The following PHF3 variants were observed in gnomAD, a reference collection of about 807,000 sequenced individuals.
PHF3 encodes the protein PHD finger protein 3.
Under a neutral mutation model 178.4 loss-of-function variants are expected in PHF3, and 41 were observed. The observed-to-expected ratio is 0.23, with a 90% CI of 0.18 to 0.30. PHF3 has a LOEUF of 0.30. Among genes scored for constraint, PHF3 ranks in the 10% least tolerant of loss-of-function variants. PHF3 has a pLI of 1.00. For missense variants in PHF3, 2,346 were observed against 2,398.1 expected (o/e 0.98, Z 0.45); for synonymous variants, 842 against 800.5 (o/e 1.05, Z -0.88).
chr6:63,665,677 C>T (rs1406071290), intron 2 of PHF3, among the ~76,000 whole-genome samples: 1 of 151,630 alleles, frequency 6.6e-6, no homozygotes, highest in South Asian at 2.1e-4. Context: ...TTAGTAGAGA[C>T]GGGGCTTCAT....
rs1561983374 is a variant in PHF3, at chr6:63,709,251, CTT to C, written c.3801+16_3801+17del. ...GCATCAGGAACCAAGGTGAGGAAAA[CTT>C]TTTTCACTATACCAGCATGGGAAAA... On this transcript the variant is annotated intron_variant, in intron 14 of 15. Transcript: ENST00000262043. The C allele has an allele frequency of 6.6e-7, 1 of 1,517,340 alleles. No individual in the cohort carries two copies. Among genetic ancestry groups the C allele is most frequent in the Non-Finnish European group, 9.1e-7 (1 of 1,094,674 alleles). 94.0% of individuals were successfully genotyped at this position (1,517,340 alleles called of 1,614,324 possible).
chr6:63,699,452 A>C (rs1231900636), intron 8 of PHF3, among the ~76,000 whole-genome samples: 1 of 152,176 alleles, frequency 6.6e-6, no homozygotes, highest in Admixed American at 6.5e-5. Context: ...AGGTGATTTG[A>C]GGTATTTTCT....
chr6:63,676,234 A>G (rs1415188866), intron 2 of PHF3, among the ~76,000 whole-genome samples: 2 of 152,174 alleles, frequency 1.3e-5, no homozygotes, highest in East Asian at 3.8e-4. Flanking sequence ...TACTATACAC[A>G]AGGTTGTTAT....
chr6:63,708,115 C>CCTCT (rs1299293342), intron 13 of PHF3, among the ~76,000 whole-genome samples: 2 of 152,078 alleles, frequency 1.3e-5, no homozygotes, highest in Non-Finnish European at 2.9e-5. Flanking sequence ...GATCTGCTTG[C>CCTCT]CTCTGCCTCC....
chr6:63,712,332 C>A lies in PHF3; in HGVS notation c.4744C>A (p.Gln1582Lys), dbSNP rs1767981083. 1.9e-6 allele frequency: 3 copies of A among 1,612,822 alleles called. No individual in the cohort carries two copies. The highest frequency in any genetic ancestry group is 2.5e-6 in the Non-Finnish European group (3 of 1,179,728). ...AACAAATTTATCAATTCAGTCAAAA[C>A]AAGAGGAAACTGTGGAGAGTAAAGA... is the stretch of plus-strand genomic sequence containing the variant. ...FLTNLSIQSK[Q>K]EETVESKEKT... The change falls in exon 16 of 16, where the codon CAA (glutamine) becomes AAA (lysine). Residue 1582 changes from glutamine to lysine, a missense_variant. This residue lies in a region of PHF3 where 839 missense variants were observed against 806.9 expected (regional missense o/e 1.04). Coordinates refer to ENST00000262043, the MANE Select transcript of PHF3 (RefSeq NM_001370348.2).
At chr6:63,699,779 C>G (rs1582103019) in intron 8 of PHF3, among the ~76,000 whole-genome samples, 1 of 151,936 alleles carries the variant, frequency 6.6e-6, no homozygotes, top group Non-Finnish European at 1.5e-5. Flanking sequence ...TTAGTAGAGA[C>G]GGGGTTTCAC....
At chr6:63,678,606 G>A (rs1201023075) in intron 2 of PHF3, among the ~76,000 whole-genome samples, 1 of 149,302 alleles carries the variant, frequency 6.7e-6, no homozygotes, top group Non-Finnish European at 1.5e-5. Context: ...CTATCTAAAT[G>A]TACATATGCA....
chr6:63,686,043 C>A (rs1215624693), intron 4 of PHF3, 132 bp downstream of exon 4: 2 of 618,520 alleles, frequency 3.2e-6, no homozygotes, highest in East Asian at 2.8e-5. Context: ...CAAAAAGCTT[C>A]ATCAGTCTTG....
chr6:63,644,038 C>A (rs1020367741), intron 1 of PHF3, among the ~76,000 whole-genome samples: 1 of 152,170 alleles, frequency 6.6e-6, no homozygotes, highest in Non-Finnish European at 1.5e-5. Flanking sequence ...AAGCTCACAG[C>A]ATATAGTTGG....
rs138127805 is a variant in PHF3 at position 63,684,119 on chromosome 6, CCT to C, written c.407-9_407-8del. The C allele has an allele frequency of 0.014, 21,165 of 1,563,428 alleles. 170 individuals are homozygous for C. The highest frequency in any genetic ancestry group is 0.016 in the Non-Finnish European group (18,945 of 1,156,782). On this transcript the variant is annotated splice_region_variant and splice_polypyrimidine_tract_variant and intron_variant, in intron 3 of 15. Transcript: ENST00000262043. ...TAAGTATTTTTATTTATTTTTTCCC[CCT>C]GTGATAGAACAAGTAAGAAGTTTGC...
At chr6:63,656,460 GCTGA>G (rs1432991940) in intron 2 of PHF3, among the ~76,000 whole-genome samples, 1 of 152,142 alleles carries the variant, frequency 6.6e-6, no homozygotes, top group Non-Finnish European at 1.5e-5. Context: ...TAGTACAGTT[GCTGA>G]CTGTGTGTTT....
At chr6:63,698,712 T>G in intron 8 of PHF3, 107 bp downstream of exon 8, 1 of 807,126 alleles carries the variant, frequency 1.2e-6, no homozygotes, top group Non-Finnish European at 1.8e-6. Flanking sequence ...AGTGAGATTA[T>G]AATTTGCTTT....
At chr6:63,671,021 T>C (rs1765891922) in intron 2 of PHF3, among the ~76,000 whole-genome samples, 1 of 152,160 alleles carries the variant, frequency 6.6e-6, no homozygotes, top group African/African-American at 2.4e-5. Flanking sequence ...TGTTACAGAA[T>C]GAAGTGCCTA....
chr6:63,713,780 TTGCC>T lies in PHF3; in HGVS notation c.*76_*79del, dbSNP rs1768082757. The T allele has an allele frequency of 7.9e-7, 1 of 1,269,592 alleles. No homozygotes were observed. Among genetic ancestry groups the T allele is most frequent in the South Asian group, 1.6e-5 (1 of 62,750 alleles). 78.6% of individuals were successfully genotyped at this position (1,269,592 alleles called of 1,614,324 possible). On this transcript the variant is annotated 3_prime_UTR_variant, in exon 16 of 16. Coordinates refer to ENST00000262043, the MANE Select transcript of PHF3 (RefSeq NM_001370348.2). Reference sequence around the variant, plus strand: ...TTGTATCTTGTAAACAAAAGAAAGATTGCCTGCTAGGATTGTGCCATCTTTAAAA... The same window carrying T: ...TTGTATCTTGTAAACAAAAGAAAGATTGCTAGGATTGTGCCATCTTTAAAA...
intron 1 of PHF3, among the ~76,000 whole-genome samples, chr6:63,644,733 T>C (rs1764710095): frequency 6.6e-6 from 1 of 152,012 alleles, no homozygotes; most frequent in Non-Finnish European, 1.5e-5. Flanking sequence ...AAAATTGAGG[T>C]ATAATAAATG....
In PHF3 at chr6:63,709,124, A is replaced by ATC. The variant is rs150221351; in HGVS notation, c.3712-23_3712-22dup. On this transcript the variant is annotated intron_variant, in intron 13 of 15. Coordinates refer to ENST00000262043, the MANE Select transcript of PHF3 (RefSeq NM_001370348.2). ...TAATAAAGATAATCTATATATATTG[A>ATC]TCTCTTTTTTTTTTTTTTAACCATA... 2,483 of 1,139,014 alleles carry ATC rather than the reference A, an allele frequency of 2.2e-3. 21 individuals carry two copies. In the African/African-American group the frequency reaches 0.035, roughly 16 times the overall value. 70.6% of individuals were successfully genotyped at this position (1,139,014 alleles called of 1,614,324 possible).
chr6:63,684,708 C>T lies in PHF3; in HGVS notation c.986C>T (p.Ser329Phe). The change falls in exon 4 of 16, where the codon TCC (serine) becomes TTC (phenylalanine). Residue 329 changes from serine (S) to phenylalanine (F), a missense_variant. Ser to Phe is a radical substitution (Grantham distance 155). This residue lies in a region of PHF3 where 843 missense variants were observed against 795.2 expected (regional missense o/e 1.06). Transcript: ENST00000262043. ...GATTCAAAGGAGACAGTAAAATTATCCCATGAAGATGACCATATTCTTGAG... is the reference window on the plus strand; with the variant it reads ...GATTCAAAGGAGACAGTAAAATTATTCCATGAAGATGACCATATTCTTGAG... ...EQDSKETVKL[S>F]HEDDHILEDA... 1 of 1,613,612 alleles carries T rather than the reference C, an allele frequency of 6.2e-7. No individual in the cohort carries two copies. The highest frequency in any genetic ancestry group is 8.5e-7 in the Non-Finnish European group (1 of 1,179,634).
chr6:63,721,897 G>A lies in PHF3; in HGVS notation c.*8189G>A. The A allele has an allele frequency of 9.1e-7, 1 of 1,096,452 alleles. No individual in the cohort carries two copies. The allele number at this position is 1,096,452 out of a possible 1,614,324, so 67.9% of individuals were successfully genotyped here. Reference sequence around the variant, plus strand: ...AAGTTGGATAAGTTTTAGTTATGGGGAAAAAAGTAACAGATCTTGAGCACA... The same window carrying A: ...AAGTTGGATAAGTTTTAGTTATGGGAAAAAAAGTAACAGATCTTGAGCACA... On this transcript the variant is annotated 3_prime_UTR_variant, in exon 16 of 16. Transcript: ENST00000262043.
In PHF3 at chr6:63,712,284, G is replaced by C. The variant is rs1351011907; in HGVS notation, c.4696G>C (p.Asp1566His). ...TSLSLRGKPP[D>H]VSTEAFLTNL... is the part of the protein sequence containing the mutation. Reference sequence around the variant, plus strand: ...TCTTAGTCTCAGAGGTAAGCCACCAGATGTTTCTACAGAAGCATTTTTAAC... The same window carrying C: ...TCTTAGTCTCAGAGGTAAGCCACCACATGTTTCTACAGAAGCATTTTTAAC... Residue 1566 changes from aspartate (D) to histidine (H), a missense_variant, in exon 16 of 16, where the codon GAT becomes CAT. Around this residue, in one of 8 missense-constraint regions of PHF3, gnomAD observed 839 missense variants for 806.9 expected, o/e 1.04. Coordinates refer to ENST00000262043, the MANE Select transcript of PHF3 (RefSeq NM_001370348.2). The C allele has an allele frequency of 1.2e-6, 2 of 1,613,746 alleles. No homozygotes were observed. The highest frequency in any genetic ancestry group is 1.7e-6 in the Non-Finnish European group (2 of 1,179,800).
Sources: allele counts gnomAD v4.1 joint callset (sites outside exome capture counted in the v4.1 genomes callset), GRCh38; gene constraint gnomAD v4.1.1; regional missense constraint gnomAD v4.1.1; transcripts MANE v1.5; gene names NCBI Gene and HGNC (gene_info 2026-07-23, HGNC 2026-07-21).